Variants in CTNNA3 observed in about 807,000 individuals in gnomAD.
CTNNA3 encodes the protein catenin alpha-3.
Under a neutral mutation model 95.7 loss-of-function variants are expected in CTNNA3, and 76 were observed. That is an observed-to-expected ratio of 0.79 (90% CI 0.66 to 0.96). The LOEUF is 0.96. Among genes scored for constraint, CTNNA3 ranks in the 40% least tolerant of loss-of-function variants. The pLI, the probability that CTNNA3 is intolerant of heterozygous loss-of-function variation, is 0.00. For synonymous variants in CTNNA3, 431 were observed against 374.4 expected, an observed-to-expected ratio of 1.15 and a Z score of -1.74; for missense variants, 1,191 against 1,089.8, an observed-to-expected ratio of 1.09 and a Z score of -1.31.
intron 2 of CTNNA3, among the ~76,000 whole-genome samples, chr10:67,645,428 A>G (rs1839675336): frequency 6.6e-6 from 1 of 152,176 alleles, no homozygotes; most frequent in African/African-American, 2.4e-5. Context: ...CCATTGTTAT[A>G]GAGCAAATAA....
At chr10:67,699,961 A>T (rs1841022488), upstream of CTNNA3, among the ~76,000 whole-genome samples, 1 of 152,260 alleles carries the variant, frequency 6.6e-6, no homozygotes, top group African/African-American at 2.4e-5. Flanking sequence ...ACAGCGCACC[A>T]GGAGATTATA....
In CTNNA3 at chr10:66,519,913, T is replaced by C. The variant is rs1840997116; in HGVS notation, c.1531+704A>G. On this transcript the variant is annotated intron_variant, in intron 11 of 17. Transcript: ENST00000433211. ...TGGTTCACACATTTCAAATCGATGA[T>C]GTTTTCTCACTAATATGTTTTTTTC... 2.0e-5 allele frequency among the ~76,000 whole-genome samples: 3 copies of C among 152,160 alleles called. No homozygotes were observed. In the South Asian group the frequency reaches 6.2e-4, roughly 31 times the overall value.
At chr10:67,489,714 T>C (rs1242568782) in intron 5 of CTNNA3, among the ~76,000 whole-genome samples, 2 of 151,614 alleles carry the variant, frequency 1.3e-5, no homozygotes, top group Admixed American at 1.3e-4. Context: ...AAAGAAAGGG[T>C]AGAAATGGAG....
intron 5 of CTNNA3, among the ~76,000 whole-genome samples, chr10:67,494,016 G>T (rs915993307): frequency 6.6e-6 from 1 of 152,184 alleles, no homozygotes; most frequent in Non-Finnish European, 1.5e-5. Context: ...GTCCTCAGGG[G>T]ACAGAAGAAA....
chr10:66,384,268 G>C (rs2456756), intron 11 of CTNNA3, among the ~76,000 whole-genome samples: 72,566 of 151,474 alleles, frequency 0.48, 17,772 homozygotes, highest in African/African-American at 0.58. Flanking sequence ...CAAGCAAATG[G>C]AAAACAAAAA....
intron 7 of CTNNA3, among the ~76,000 whole-genome samples, chr10:66,923,212 T>C (rs1846881660): frequency 6.6e-6 from 1 of 152,202 alleles, no homozygotes; most frequent in African/African-American, 2.4e-5. Context: ...GCAATGTGTG[T>C]AACACAGCAG....
intron 10 of CTNNA3, among the ~76,000 whole-genome samples, chr10:66,577,901 T>C (rs1843057373): frequency 6.6e-6 from 1 of 152,068 alleles, no homozygotes; most frequent in African/African-American, 2.4e-5. Context: ...AATATGTAAG[T>C]TGCTTTTGGC....
intron 5 of CTNNA3, among the ~76,000 whole-genome samples, chr10:67,240,225 T>C (rs549584537): frequency 1.2e-4 from 18 of 152,228 alleles, no homozygotes; most frequent in South Asian, 4.1e-4. Flanking sequence ...GAAAAGCCCA[T>C]GTATACTTTG....
chr10:67,234,463 A>AC (rs1196524322), intron 5 of CTNNA3, among the ~76,000 whole-genome samples: 25 of 152,122 alleles, frequency 1.6e-4, no homozygotes, highest in Non-Finnish European at 2.1e-4. Flanking sequence ...AAATTCAACA[A>AC]CCTTCATGCT....
At chr10:66,824,072 C>A (rs1269120794) in intron 7 of CTNNA3, among the ~76,000 whole-genome samples, 3 of 149,022 alleles carry the variant, frequency 2.0e-5, no homozygotes, top group Non-Finnish European at 4.4e-5. Context: ...AGAGAGTGGG[C>A]CAGAGTCCAT....
intron 13 of CTNNA3, among the ~76,000 whole-genome samples, chr10:66,199,803 A>T (rs1160718528): frequency 0.013 from 132 of 10,524 alleles, 11 homozygotes; most frequent in African/African-American, 0.032. Context: ...ATATATATAT[A>T]TATTTTTTTT....
At chr10:66,124,320 G>C (rs1170965982) in intron 13 of CTNNA3, among the ~76,000 whole-genome samples, 1 of 152,144 alleles carries the variant, frequency 6.6e-6, no homozygotes, top group Admixed American at 6.5e-5. Context: ...CTTTGCTCCA[G>C]TTCCCAACAA....
intron 15 of CTNNA3, among the ~76,000 whole-genome samples, chr10:66,043,964 G>C (rs1467808092): frequency 1.6e-5 from 1 of 63,780 alleles, no homozygotes; most frequent in Non-Finnish European, 3.5e-5. Flanking sequence ...TGCTGTGTGT[G>C]TGTGTGTGTG....
intron 5 of CTNNA3, among the ~76,000 whole-genome samples, chr10:67,409,815 C>CA (rs1446816682): frequency 4.6e-5 from 7 of 152,152 alleles, no homozygotes; most frequent in Non-Finnish European, 1.0e-4. Context: ...GATACCATCT[C>CA]ACACCAGTCA....
At chr10:67,699,879 G>A (rs1422340773), upstream of CTNNA3, among the ~76,000 whole-genome samples, 1 of 152,206 alleles carries the variant, frequency 6.6e-6, no homozygotes, top group African/African-American at 2.4e-5. Context: ...TCAAAGAAAG[G>A]GGTGACAGAC....
At chr10:66,884,967 G>A (rs1844989581) in intron 7 of CTNNA3, among the ~76,000 whole-genome samples, 1 of 152,058 alleles carries the variant, frequency 6.6e-6, no homozygotes, top group African/African-American at 2.4e-5. Context: ...AAGAAATACT[G>A]ATTTGAGGGT....
At chr10:67,391,443 G>A (rs977799238) in intron 5 of CTNNA3, among the ~76,000 whole-genome samples, 4 of 152,150 alleles carry the variant, frequency 2.6e-5, no homozygotes, top group Admixed American at 6.5e-5. Context: ...ACGCTCATGG[G>A]TAGGAAAATC....
chr10:66,507,223 T>G (rs541993271), intron 11 of CTNNA3, among the ~76,000 whole-genome samples: 1 of 152,150 alleles, frequency 6.6e-6, no homozygotes, highest in Non-Finnish European at 1.5e-5. Flanking sequence ...CTTTCAATTT[T>G]ACTTGACACA....
Position 67,539,586 on chromosome 10 carries a change from G to A in CTNNA3, c.376C>T (p.Arg126Cys), listed in dbSNP as rs373661106. The change falls in exon 4 of 18, where the codon CGT becomes TGT. Residue 126 changes from arginine (R) to cysteine (C), a missense_variant. By Grantham distance (180) the Arg-to-Cys change is radical. Coordinates refer to ENST00000433211, the MANE Select transcript of CTNNA3 (RefSeq NM_013266.4). The part of the protein sequence containing the change: ...PKREAVVQAA[R>C]ALLAAVTRLL... Reference sequence around the variant, plus strand: ...CTCGTCACCGCAGCCAGCAAGGCACGGGCAGCTTGAACCACAGCCTCCCTT... The same window carrying A: ...CTCGTCACCGCAGCCAGCAAGGCACAGGCAGCTTGAACCACAGCCTCCCTT... 2.0e-5 allele frequency: 33 copies of A among 1,613,820 alleles called. No individual in the cohort carries two copies. In the Admixed American group the frequency reaches 2.5e-4, roughly 12 times the overall value.
Sources: allele counts gnomAD v4.1 joint callset (sites outside exome capture counted in the v4.1 genomes callset), GRCh38; gene constraint gnomAD v4.1.1; transcripts MANE v1.5; gene names NCBI Gene and HGNC (gene_info 2026-07-23, HGNC 2026-07-21).